OSBPL11: variants seen among roughly 807,000 people sequenced by gnomAD.
The protein encoded by OSBPL11 is oxysterol-binding protein-related protein 11.
OSBPL11 carries 33 observed loss-of-function variants against 84.4 expected under a neutral mutation model. The observed-to-expected ratio is 0.39, with a 90% CI of 0.30 to 0.52. The LOEUF (loss-of-function observed/expected upper bound fraction) is 0.52, where lower values mean the gene tolerates loss of function less well. OSBPL11 is among the 20% of genes least tolerant of loss of function. The pLI is 0.72. For missense variants in OSBPL11, 736 were observed against 901.1 expected, an observed-to-expected ratio of 0.82 and a Z score of 2.35; for synonymous variants, 276 against 310.2, an observed-to-expected ratio of 0.89 and a Z score of 1.16.
chr3:125,587,005 A>T (rs1176586091), intron 1 of OSBPL11, among the ~76,000 whole-genome samples: 1 of 152,238 alleles, frequency 6.6e-6, no homozygotes, highest in Non-Finnish European at 1.5e-5. Flanking sequence ...ATAACTCTCC[A>T]TCTCAAATCT....
chr3:125,572,251 T>C (rs1936253865), intron 5 of OSBPL11, among the ~76,000 whole-genome samples: 1 of 152,246 alleles, frequency 6.6e-6, no homozygotes, highest in Non-Finnish European at 1.5e-5. Flanking sequence ...ACCCCCATTA[T>C]ATCTAGGAAG....
intron 8 of OSBPL11, among the ~76,000 whole-genome samples, chr3:125,559,919 TG>T (rs1936050236): frequency 6.6e-6 from 1 of 150,996 alleles, no homozygotes; most frequent in Admixed American, 6.6e-5. Flanking sequence ...TAAAAAATAC[TG>T]ATCAGGAGAC....
intron 4 of OSBPL11, among the ~76,000 whole-genome samples, chr3:125,577,130 A>C (rs573916736): frequency 6.6e-6 from 1 of 152,302 alleles, no homozygotes; most frequent in African/African-American, 2.4e-5. Context: ...ATTGTGTTGG[A>C]TTTCCTGAAG....
intron 8 of OSBPL11, among the ~76,000 whole-genome samples, chr3:125,557,369 CTTTATT>C (rs1049790158): frequency 2.6e-5 from 4 of 152,018 alleles, no homozygotes; most frequent in African/African-American, 9.7e-5. Flanking sequence ...TCACCAGGCT[CTTTATT>C]TTTATTTATT....
Position 125,552,190 on chromosome 3 carries a change from C to A in OSBPL11, c.1645G>T (p.Val549Phe), listed in dbSNP as rs924646572. 1.9e-6 allele frequency: 3 copies of A among 1,560,670 alleles called. No individual in the cohort carries two copies. Among genetic ancestry groups the A allele is most frequent in the South Asian group, 1.3e-5 (1 of 79,552 alleles). Residue 549 changes from valine (V) to phenylalanine (F), a missense_variant, in exon 9 of 13, where the codon GTT (valine) becomes TTT (phenylalanine). Around this residue, in one of 3 missense-constraint regions of OSBPL11, gnomAD observed 579 missense variants for 717.6 expected, o/e 0.81. Coordinates refer to ENST00000296220, the MANE Select transcript of OSBPL11 (RefSeq NM_022776.5). ...FLGMSIGVTM[V>F]GEGILSLLEH... ...TAATTTTTCTACTTACCTTCTCCAACCATTGTCACGCCTATTGACATGCCT... is the reference window on the plus strand; with the variant it reads ...TAATTTTTCTACTTACCTTCTCCAAACATTGTCACGCCTATTGACATGCCT...
chr3:125,557,356 T>C (rs182917382), intron 8 of OSBPL11, among the ~76,000 whole-genome samples: 11 of 152,258 alleles, frequency 7.2e-5, no homozygotes, highest in Admixed American at 3.9e-4. Flanking sequence ...GACTGCAGTT[T>C]AGTCACCAGG....
chr3:125,546,793 G>A (rs1265196295), intron 10 of OSBPL11, among the ~76,000 whole-genome samples: 1 of 151,948 alleles, frequency 6.6e-6, no homozygotes, highest in Admixed American at 6.6e-5. Flanking sequence ...GGGAGGCTGA[G>A]GCACAAAAAT....
intron 4 of OSBPL11, among the ~76,000 whole-genome samples, chr3:125,578,127 T>C (rs1936359019): frequency 1.3e-5 from 2 of 152,148 alleles, no homozygotes; most frequent in Non-Finnish European, 1.5e-5. Context: ...AATAACCCAA[T>C]GTCCACCAAT....
intron 9 of OSBPL11, among the ~76,000 whole-genome samples, chr3:125,550,630 T>C (rs527737281): frequency 6.6e-6 from 1 of 152,332 alleles, no homozygotes; most frequent in Admixed American, 6.5e-5. Context: ...CAGAGCATAG[T>C]GTTCTTTGCA....
intron 10 of OSBPL11, among the ~76,000 whole-genome samples, chr3:125,545,607 T>C (rs1005291208): frequency 1.3e-5 from 2 of 152,238 alleles, no homozygotes; most frequent in South Asian, 2.1e-4. Context: ...AGTATATAGA[T>C]ATATGTATAT....
chr3:125,582,923 C>A lies in OSBPL11; in HGVS notation c.220G>T (p.Gly74Trp). 6.3e-7 allele frequency: 1 copy of A among 1,597,914 alleles called. No individual in the cohort carries two copies. The highest frequency in any genetic ancestry group is 8.5e-7 in the Non-Finnish European group (1 of 1,174,734). The change falls in exon 2 of 13, where the codon GGG (glycine) becomes TGG (tryptophan). Residue 74 changes from glycine (G) to tryptophan (W), a missense_variant. This residue lies in a region of OSBPL11 where 114 missense variants were observed against 104.9 expected (regional missense o/e 1.09). Coordinates refer to ENST00000296220, the MANE Select transcript of OSBPL11 (RefSeq NM_022776.5). ...YLMKYTNLVTGWQYRFFVLNN... is the reference protein window; with the variant it reads ...YLMKYTNLVTWWQYRFFVLNN... The stretch of plus-strand genomic sequence containing the variant: ...AATCACACTTACCTGTACTGCCACC[C>A]AGTGACAAGGTTGGTATACTTCATT...
chr3:125,573,488 T>C (rs1047049657), intron 5 of OSBPL11, among the ~76,000 whole-genome samples: 4 of 152,104 alleles, frequency 2.6e-5, no homozygotes, highest in Non-Finnish European at 5.9e-5. Context: ...AAAGAGTAAA[T>C]AGGAAACAGA....
chr3:125,541,894 C>A (rs1341737771), intron 10 of OSBPL11, among the ~76,000 whole-genome samples: 2 of 152,120 alleles, frequency 1.3e-5, no homozygotes, highest in Non-Finnish European at 2.9e-5. Context: ...CCAAATCTTG[C>A]AGTTAGTAAA....
rs35267505 is a variant in OSBPL11, at chr3:125,589,342, C to CAAAA, written c.164+5291_164+5294dup. Among the ~76,000 whole-genome samples, 68 of 61,948 alleles carry CAAAA rather than the reference C, an allele frequency of 1.1e-3. 1 individual carries two copies. The highest frequency in any genetic ancestry group is 3.5e-3 in the South Asian group (6 of 1,708). 40.6% of individuals were successfully genotyped at this position (61,948 alleles called of 152,430 possible). On this transcript the variant is annotated intron_variant, in intron 1 of 12. Coordinates refer to ENST00000296220, the MANE Select transcript of OSBPL11 (RefSeq NM_022776.5). ...GGGCAACAAGAGTGAAACTCCATCTCAAAAAAAAAAAAAAAAAACAAAACA... is the reference window on the plus strand; with the variant it reads ...GGGCAACAAGAGTGAAACTCCATCTCAAAAAAAAAAAAAAAAAAAAAACAAAACA...
At chr3:125,532,429 T>C (rs1446407604) in intron 11 of OSBPL11, among the ~76,000 whole-genome samples, 2 of 152,008 alleles carry the variant, frequency 1.3e-5, no homozygotes, top group Non-Finnish European at 2.9e-5. Context: ...AATACAATAG[T>C]GGTTTTCAGA....
intron 2 of OSBPL11, among the ~76,000 whole-genome samples, chr3:125,581,868 T>G (rs1936432864): frequency 6.6e-6 from 1 of 150,580 alleles, no homozygotes; most frequent in African/African-American, 2.4e-5. Flanking sequence ...TCCAGCTACT[T>G]AGGAGGCTGG....
Position 125,595,055 on chromosome 3 carries a change from A to G in OSBPL11, c.-255T>C, listed in dbSNP as rs879666487. 4 of 410,222 alleles carry G rather than the reference A, an allele frequency of 9.8e-6. No homozygotes were observed. Among genetic ancestry groups the G allele is most frequent in the Middle Eastern group, 6.8e-4 (1 of 1,464 alleles). 25.4% of individuals were successfully genotyped at this position (410,222 alleles called of 1,614,324 possible). A position where few individuals can be genotyped will look rare whatever the true frequency, so the allele number is the denominator to read the frequency against. Reference sequence around the variant, plus strand: ...TATCTCTCTCCTTTCCGGCAAAAGCAAGGAGGAAAAAGCATCCGGCGAGAA... The same window carrying G: ...TATCTCTCTCCTTTCCGGCAAAAGCGAGGAGGAAAAAGCATCCGGCGAGAA... On this transcript the variant is annotated 5_prime_UTR_variant, in exon 1 of 13. Coordinates refer to ENST00000296220, the MANE Select transcript of OSBPL11 (RefSeq NM_022776.5).
rs1278414304 is a variant in OSBPL11 at position 125,530,567 on chromosome 3, A to G, written c.2192T>C (p.Val731Ala). Reference protein sequence around the residue: ...KYFIKEGDGWVYHKPLWKIIP... With the variant: ...KYFIKEGDGWAYHKPLWKIIP... ...TATTTTCCAAAGTGGTTTATGATAA[A>G]CCCAGCCATCTCCCTGAAACAAATA... Residue 731 changes from valine (V) to alanine (A), a missense_variant, in exon 13 of 13, where the codon GTT (valine) becomes GCT (alanine). Val to Ala is a moderately conservative substitution (Grantham distance 64). Coordinates refer to ENST00000296220, the MANE Select transcript of OSBPL11 (RefSeq NM_022776.5). 6.2e-7 allele frequency: 1 copy of G among 1,613,366 alleles called. No homozygotes were observed. The highest frequency in any genetic ancestry group is 8.5e-7 in the Non-Finnish European group (1 of 1,179,552).
In OSBPL11 at chr3:125,563,810, G is replaced by C. The variant is rs747799505; in HGVS notation, c.902C>G (p.Ser301Cys). The change falls in exon 7 of 13, where the codon TCT (serine) becomes TGT (cysteine). Residue 301 changes from serine to cysteine, a missense_variant. This residue lies in a region of OSBPL11 where 579 missense variants were observed against 717.6 expected (regional missense o/e 0.81). Coordinates refer to ENST00000296220, the MANE Select transcript of OSBPL11 (RefSeq NM_022776.5). Reference sequence around the variant, plus strand: ...TCCATTTTTATAGTGGTTTGATAAAGATATCTTTGGTTCTAACCACTCGAT... The same window carrying C: ...TCCATTTTTATAGTGGTTTGATAAACATATCTTTGGTTCTAACCACTCGAT... ...TTIEWLEPKI[S>C]LSNHYKNGAD... 13 of 1,614,004 alleles carry C rather than the reference G, an allele frequency of 8.1e-6. No homozygotes were observed. In the South Asian group the frequency reaches 1.1e-4, roughly 14 times the overall value.
Sources: allele counts gnomAD v4.1 joint callset (sites outside exome capture counted in the v4.1 genomes callset), GRCh38; gene constraint gnomAD v4.1.1; regional missense constraint gnomAD v4.1.1; transcripts MANE v1.5; gene names NCBI Gene and HGNC (gene_info 2026-07-23, HGNC 2026-07-21).